USP34: variants seen among roughly 807,000 people sequenced by gnomAD.
USP34 encodes the protein ubiquitin carboxyl-terminal hydrolase 34.
A neutral mutation model predicts 460.3 loss-of-function variants in USP34; 70 were observed. The observed-to-expected ratio is 0.15, with a 90% CI of 0.13 to 0.19. The LOEUF is 0.19. Among genes scored for constraint, USP34 ranks in the 10% least tolerant of loss-of-function variants. The probability of loss-of-function intolerance (pLI) is 1.00; values close to 1 mark genes in which losing one functional copy is unlikely to be tolerated. For missense variants in USP34, 3,985 were observed against 4,236.2 expected (o/e 0.94, Z 1.65); for synonymous variants, 1,647 against 1,405.3 (o/e 1.17, Z -3.85).
intron 58 of USP34, among the ~76,000 whole-genome samples, chr2:61,231,459 T>C (rs565458588): frequency 6.6e-6 from 1 of 152,220 alleles, no homozygotes; most frequent in South Asian, 2.1e-4. Flanking sequence ...ACAACTATAA[T>C]CCCAGAACTC....
rs780005411 is a variant in USP34 at position 61,319,181 on chromosome 2, G to A, written c.3160C>T (p.Leu1054=). Residue 1054 remains leucine (L), a synonymous_variant, in exon 22 of 80, where the codon CTG becomes TTG. Coordinates refer to ENST00000398571, the MANE Select transcript of USP34 (RefSeq NM_014709.4). Reference sequence around the variant, plus strand: ...GAGAGAAATGTAATTACCTTCTCCAGGAAAAGATGTTTGTAGGTTTCCATA... The same window carrying A: ...GAGAGAAATGTAATTACCTTCTCCAAGAAAAGATGTTTGTAGGTTTCCATA... ...MGMETYKHLF[L]EKMPQLKPET... is the part of the protein sequence containing the mutation. 1.3e-6 allele frequency: 2 copies of A among 1,557,128 alleles called. No individual in the cohort carries two copies. Among genetic ancestry groups the A allele is most frequent in the Admixed American group, 2.2e-5 (1 of 44,570 alleles).
At position 61,301,362 on chromosome 2, in the gene USP34, C is replaced by T. The variant is rs1417095975; in HGVS notation, c.3910G>A (p.Asp1304Asn). The T allele has an allele frequency of 1.9e-6, 3 of 1,613,588 alleles. No individual in the cohort carries two copies. Among genetic ancestry groups the T allele is most frequent in the African/African-American group, 2.7e-5 (2 of 74,892 alleles). ...ACGTTTTATATATGTACCTGCATATCCTTAAAACCAAGCTCATGAAGTGCT... is the reference window on the plus strand; with the variant it reads ...ACGTTTTATATATGTACCTGCATATTCTTAAAACCAAGCTCATGAAGTGCT... ...EKALHELGFK[D>N]MQMVFVSLGA... Residue 1304 changes from aspartate to asparagine, a missense_variant, in exon 28 of 80, where the codon GAT (aspartate) becomes AAT (asparagine). Asp to Asn is a conservative substitution (Grantham distance 23). This residue lies in a region of USP34 where 1,114 missense variants were observed against 1,122.5 expected (regional missense o/e 0.99). Coordinates refer to ENST00000398571, the MANE Select transcript of USP34 (RefSeq NM_014709.4).
At position 61,236,314 on chromosome 2, in the gene USP34, A is replaced by C; in HGVS notation, c.6842+11T>G. ...GTGTAAAATATCTACTATGAAATTT[A>C]CCAAACTTACCCAAAATATGTATGT... On this transcript the variant is annotated intron_variant, in intron 54 of 79. Coordinates refer to ENST00000398571, the MANE Select transcript of USP34 (RefSeq NM_014709.4). The C allele has an allele frequency of 6.2e-7, 1 of 1,602,314 alleles. No individual in the cohort carries two copies. The highest frequency in any genetic ancestry group is 8.5e-7 in the Non-Finnish European group (1 of 1,175,124).
chr2:61,424,544 A>AT (rs1694454553), intron 1 of USP34, among the ~76,000 whole-genome samples: 1 of 152,198 alleles, frequency 6.6e-6, no homozygotes, highest in African/African-American at 2.4e-5. Context: ...TTGCACGAGA[A>AT]TGTTAACATT....
rs747314504 is a variant in USP34, at chr2:61,256,354, A to G, written c.6221+30T>C. On this transcript the variant is annotated intron_variant, in intron 48 of 79. Coordinates refer to ENST00000398571, the MANE Select transcript of USP34 (RefSeq NM_014709.4). ...TTTGTCTTTCACTTCTACGGTGAAC[A>G]TAATAAAAATCACATTTGAAAAAGC... is the stretch of plus-strand genomic sequence containing the variant. 4.5e-6 allele frequency: 7 copies of G among 1,564,130 alleles called. No homozygotes were observed. In the African/African-American group the frequency reaches 8.1e-5, roughly 18 times the overall value.
chr2:61,414,413 A>G (rs1694136707), intron 2 of USP34, among the ~76,000 whole-genome samples: 1 of 152,206 alleles, frequency 6.6e-6, no homozygotes, highest in Non-Finnish European at 1.5e-5. Flanking sequence ...ATCCAATAAG[A>G]TCTATCAATA....
chr2:61,236,401 A>C lies in USP34; in HGVS notation c.6778-12T>G. The stretch of plus-strand genomic sequence containing the variant: ...TCATGCCAAATCCACTGAAAATAAA[A>C]ATGTTAACATTAGTGATAAAGCAGT... On this transcript the variant is annotated splice_polypyrimidine_tract_variant and intron_variant, in intron 53 of 79. Coordinates refer to ENST00000398571, the MANE Select transcript of USP34 (RefSeq NM_014709.4). 6.3e-7 allele frequency: 1 copy of C among 1,576,114 alleles called. No individual in the cohort carries two copies. Among genetic ancestry groups the C allele is most frequent in the South Asian group, 1.2e-5 (1 of 84,706 alleles).
intron 21 of USP34, among the ~76,000 whole-genome samples, chr2:61,322,818 G>A (rs950387883): frequency 1.3e-5 from 2 of 152,092 alleles, no homozygotes; most frequent in Non-Finnish European, 2.9e-5. Context: ...AACAATTTTA[G>A]TATATATCAG....
At chr2:61,467,815 G>A (rs1333663844) in intron 1 of USP34, among the ~76,000 whole-genome samples, 4 of 151,722 alleles carry the variant, frequency 2.6e-5, no homozygotes, top group Non-Finnish European at 5.9e-5. Context: ...TAGAGATGGG[G>A]TTTCACCATA....
chr2:61,454,023 T>C (rs1013570441), intron 1 of USP34, among the ~76,000 whole-genome samples: 5 of 152,124 alleles, frequency 3.3e-5, no homozygotes, highest in African/African-American at 1.2e-4. Flanking sequence ...TTTATACATA[T>C]TCACAGAAGA....
chr2:61,307,361 T>C (rs570820931), intron 27 of USP34, among the ~76,000 whole-genome samples: 4 of 151,846 alleles, frequency 2.6e-5, no homozygotes, highest in African/African-American at 7.2e-5. Context: ...ATATACCTAA[T>C]GTAAATGACA....
At chr2:61,194,543 G>C (rs546235492) in intron 75 of USP34, among the ~76,000 whole-genome samples, 1 of 152,230 alleles carries the variant, frequency 6.6e-6, no homozygotes, top group Admixed American at 6.5e-5. Flanking sequence ...TGTTGCCCAG[G>C]TTGGAGTGCA....
At chr2:61,286,106 T>G (rs917029066) in intron 34 of USP34, among the ~76,000 whole-genome samples, 1 of 152,190 alleles carries the variant, frequency 6.6e-6, no homozygotes, top group East Asian at 1.9e-4. Flanking sequence ...AATTGATGTT[T>G]AGGCTAAATT....
intron 19 of USP34, among the ~76,000 whole-genome samples, chr2:61,331,912 TA>T (rs1691279747): frequency 6.6e-6 from 1 of 152,030 alleles, no homozygotes; most frequent in Non-Finnish European, 1.5e-5. Flanking sequence ...ATAATTAACA[TA>T]ATGTATTTCA....
chr2:61,470,696 T>G lies in USP34; in HGVS notation c.-4A>C, dbSNP rs1375806682. The G allele has an allele frequency of 1.3e-5, 21 of 1,590,008 alleles. No homozygotes were observed. Among genetic ancestry groups the G allele is most frequent in the Non-Finnish European group, 1.7e-5 (20 of 1,168,618 alleles). On this transcript the variant is annotated 5_prime_UTR_variant, in exon 1 of 80. Transcript: ENST00000398571. ...GGTCTGCGCAGTTCTCGCACATCGT[T>G]CGGCCGCCGCCCCCCCCCTCCCCCG...
intron 48 of USP34, chr2:61,250,415 G>A (rs548528101): frequency 6.4e-6 from 1 of 156,480 alleles, no homozygotes; most frequent in African/African-American, 2.4e-5. Context: ...CTATAAGGAA[G>A]GTACTGTTAG....
intron 1 of USP34, among the ~76,000 whole-genome samples, chr2:61,454,219 G>A (rs540061228): frequency 6.6e-6 from 1 of 152,138 alleles, no homozygotes; most frequent in African/African-American, 2.4e-5. Context: ...CCACCTCCCA[G>A]GTTCAAGTGA....
chr2:61,381,214 A>C (rs778149), intron 6 of USP34, among the ~76,000 whole-genome samples: 1 of 147,094 alleles, frequency 6.8e-6, no homozygotes, highest in African/African-American at 2.5e-5. Flanking sequence ...AAAAAAAAAA[A>C]AAATAAATAA....
chr2:61,412,513 T>C (rs1694070661), intron 2 of USP34, among the ~76,000 whole-genome samples: 1 of 151,940 alleles, frequency 6.6e-6, no homozygotes, highest in Admixed American at 6.6e-5. Context: ...CCAATTAAAA[T>C]TATAGCAATT....
Sources: gnomAD v4.1 joint callset for allele counts (sites outside exome capture counted in the v4.1 genomes callset) on GRCh38, gnomAD v4.1.1 for gene constraint, gnomAD v4.1.1 regional missense constraint, MANE v1.5 for transcripts, NCBI Gene and HGNC (gene_info 2026-07-23, HGNC 2026-07-21) for gene names.